Variants in SNX6 observed in about 807,000 individuals in gnomAD.
SNX6 encodes the protein sorting nexin-6.
Under a neutral mutation model 63.0 loss-of-function variants are expected in SNX6, and 34 were observed. The observed-to-expected ratio is 0.54, with a 90% confidence interval of 0.41 to 0.72. SNX6 has a LOEUF of 0.72. Among genes scored for constraint, SNX6 ranks in the 30% least tolerant of loss-of-function variants. SNX6 has a pLI of 0.00. For missense variants in SNX6, 398 were observed against 471.4 expected (o/e 0.84, Z 1.44); for synonymous variants, 170 against 164.2 (o/e 1.04, Z -0.27).
chr14:34,591,957 T>G (rs1032996230), intron 8 of SNX6, among the ~76,000 whole-genome samples: 1 of 152,184 alleles, frequency 6.6e-6, no homozygotes, highest in Admixed American at 6.6e-5. Context: ...CATACTTGAG[T>G]ATGTAGCCAA....
chr14:34,568,674 C>G (rs1425534385), intron 11 of SNX6: 10 of 903,222 alleles, frequency 1.1e-5, no homozygotes, highest in Non-Finnish European at 1.8e-5. Context: ...ATTTATTAAC[C>G]CAGCATGGTT....
intron 11 of SNX6, among the ~76,000 whole-genome samples, chr14:34,571,294 G>A (rs145498209): frequency 2.6e-5 from 4 of 151,762 alleles, no homozygotes; most frequent in Non-Finnish European, 4.4e-5. Flanking sequence ...TTAGCCGGGC[G>A]TGGTGGTGGG....
intron 6 of SNX6, 51 bp from the exon 7 acceptor site, chr14:34,597,696 C>T (rs779532189): frequency 5.1e-6 from 5 of 984,180 alleles, no homozygotes; most frequent in South Asian, 2.8e-5. Context: ...GAAAGCAGTG[C>T]CTCCTTTATT....
intron 13 of SNX6, among the ~76,000 whole-genome samples, chr14:34,563,714 C>T (rs1002106948): frequency 4.0e-5 from 6 of 150,480 alleles, no homozygotes; most frequent in Non-Finnish European, 7.4e-5. Context: ...ATACTTTCTA[C>T]ATACCAGATT....
chr14:34,611,259 T>C (rs1409093084), intron 2 of SNX6, among the ~76,000 whole-genome samples: 2 of 149,854 alleles, frequency 1.3e-5, no homozygotes, highest in African/African-American at 2.4e-5. Flanking sequence ...TTCGAATTGC[T>C]TGAGCTCAGG....
At chr14:34,616,606 C>CT (rs1883427444) in intron 2 of SNX6, among the ~76,000 whole-genome samples, 1 of 152,150 alleles carries the variant, frequency 6.6e-6, no homozygotes, top group Non-Finnish European at 1.5e-5. Context: ...GATCCACCTC[C>CT]TGACCCCGTT....
chr14:34,597,505 AAAG>A, intron 7 of SNX6, 42 bp downstream of exon 7: 1 of 1,114,742 alleles, frequency 9.0e-7, no homozygotes, highest in Non-Finnish European at 1.3e-6. Flanking sequence ...CTCCCTTTTA[AAAG>A]AAGTCTCAAC....
chr14:34,593,225 A>G, intron 7 of SNX6, 75 bp from the exon 8 acceptor site: 1 of 878,384 alleles, frequency 1.1e-6, no homozygotes, highest in South Asian at 1.7e-5. Flanking sequence ...CTATCATTAT[A>G]AATATAAAAG....
chr14:34,621,829 A>G (rs1452549540), intron 2 of SNX6, among the ~76,000 whole-genome samples: 1 of 150,990 alleles, frequency 6.6e-6, no homozygotes, highest in Non-Finnish European at 1.5e-5. Flanking sequence ...TACCTTTGTC[A>G]TTTCTCATCT....
intron 11 of SNX6, among the ~76,000 whole-genome samples, chr14:34,575,133 C>A (rs1308381686): frequency 6.6e-6 from 1 of 150,576 alleles, no homozygotes; most frequent in Non-Finnish European, 1.5e-5. Context: ...CTCAGGTGAT[C>A]CACCACCTCA....
chr14:34,619,541 C>T (rs1214967568), intron 2 of SNX6, among the ~76,000 whole-genome samples: 3 of 148,796 alleles, frequency 2.0e-5, no homozygotes, highest in Admixed American at 6.9e-5. Flanking sequence ...AGCACTTATA[C>T]GCAAACACTG....
chr14:34,590,742 A>G (rs757373842), intron 8 of SNX6, among the ~76,000 whole-genome samples: 1 of 152,212 alleles, frequency 6.6e-6, no homozygotes, highest in Non-Finnish European at 1.5e-5. Flanking sequence ...TGACTCAGGC[A>G]TTCTACTTCT....
chr14:34,569,497 G>A (rs747752001), intron 11 of SNX6, among the ~76,000 whole-genome samples: 18 of 151,558 alleles, frequency 1.2e-4, no homozygotes, highest in Admixed American at 2.0e-4. Flanking sequence ...GTGTGAACTC[G>A]GCTCACTACA....
intron 10 of SNX6, among the ~76,000 whole-genome samples, chr14:34,580,811 C>T (rs1457216431): frequency 3.9e-5 from 6 of 151,928 alleles, no homozygotes; most frequent in African/African-American, 7.3e-5. Context: ...TGCACCACCA[C>T]ACCTAGCTAA....
intron 8 of SNX6, among the ~76,000 whole-genome samples, chr14:34,587,359 C>G (rs73236276): frequency 0.37 from 56,679 of 151,220 alleles, 12,410 homozygotes; most frequent in East Asian, 0.74. Context: ...GGTGAAACCC[C>G]ATCTCTACTA....
At chr14:34,563,614 C>T (rs1389796213) in intron 13 of SNX6, among the ~76,000 whole-genome samples, 4 of 151,546 alleles carry the variant, frequency 2.6e-5, no homozygotes, top group African/African-American at 4.8e-5. Context: ...ATGACTTTAT[C>T]GATATATTAG....
At chr14:34,593,436 G>C (rs1455531876) in intron 7 of SNX6, among the ~76,000 whole-genome samples, 1 of 150,940 alleles carries the variant, frequency 6.6e-6, no homozygotes. Flanking sequence ...GTCTCACTCT[G>C]TCACCTAGGC....
intron 1 of SNX6, 57 bp from the exon 2 acceptor site, chr14:34,630,011 A>G (rs1883982558): frequency 6.7e-7 from 1 of 1,497,210 alleles, no homozygotes; most frequent in Admixed American, 2.6e-5. Flanking sequence ...GGGAGACACA[A>G]AGGGAGACAT....
At chr14:34,604,788 A>T (rs1882952435) in intron 5 of SNX6, among the ~76,000 whole-genome samples, 1 of 152,128 alleles carries the variant, frequency 6.6e-6, no homozygotes, top group Non-Finnish European at 1.5e-5. Flanking sequence ...TGCTCAAAGG[A>T]AATATTCATC....
Sources: allele counts gnomAD v4.1 joint callset (sites outside exome capture counted in the v4.1 genomes callset), GRCh38; gene constraint gnomAD v4.1.1; transcripts MANE v1.5; gene names NCBI Gene and HGNC (gene_info 2026-07-23, HGNC 2026-07-21).